RAP1GAP2: variants seen among roughly 807,000 people sequenced by gnomAD.
RAP1GAP2 encodes RAP1 GTPase activating protein 2.
A neutral mutation model predicts 95.0 loss-of-function variants in RAP1GAP2; 27 were observed. That is an observed-to-expected ratio of 0.28 (90% CI 0.21 to 0.39). The LOEUF is 0.39. Ranked by LOEUF, RAP1GAP2 falls within the 10% of genes least tolerant of loss-of-function variation. RAP1GAP2 has a pLI of 1.00. For missense variants in RAP1GAP2, 771 were observed against 970.0 expected (o/e 0.79, Z 2.72); for synonymous variants, 373 against 380.9 (o/e 0.98, Z 0.24).
chr17:2,986,365 C>T (rs1427228756), intron 11 of RAP1GAP2, among the ~76,000 whole-genome samples: 1 of 151,964 alleles, frequency 6.6e-6, no homozygotes, highest in Non-Finnish European at 1.5e-5. Flanking sequence ...TAATAAAACC[C>T]CCTAATTAAA....
intron 2 of RAP1GAP2, among the ~76,000 whole-genome samples, chr17:2,900,889 G>T (rs1307364274): frequency 6.6e-6 from 1 of 152,220 alleles, no homozygotes; most frequent in Non-Finnish European, 1.5e-5. Flanking sequence ...TTGATTCCAA[G>T]TGTAGGGTGC....
At chr17:2,809,003 A>AGC (rs1193900590) in intron 2 of RAP1GAP2, among the ~76,000 whole-genome samples, 1 of 152,034 alleles carries the variant, frequency 6.6e-6, no homozygotes, top group Non-Finnish European at 1.5e-5. Flanking sequence ...AGGGAAGGCG[A>AGC]GCGCTTAGCC....
intron 13 of RAP1GAP2, among the ~76,000 whole-genome samples, chr17:2,996,265 C>T (rs567911217): frequency 5.9e-5 from 9 of 152,304 alleles, no homozygotes; most frequent in African/African-American, 1.9e-4. Flanking sequence ...CCGTGCCCCC[C>T]GTTTGCTGCT....
intron 1 of RAP1GAP2, among the ~76,000 whole-genome samples, chr17:2,791,157 A>G (rs1236949194): frequency 6.6e-6 from 1 of 152,190 alleles, no homozygotes; most frequent in Non-Finnish European, 1.5e-5. Context: ...GTGAGCTGAG[A>G]TAGTGCCACT....
rs1252292517 is a variant in RAP1GAP2 at position 3,004,878 on chromosome 17, G to A, written c.1201-491G>A. 6.6e-6 allele frequency among the ~76,000 whole-genome samples: 1 copy of A among 152,196 alleles called. No individual in the cohort carries two copies. Among genetic ancestry groups the A allele is most frequent in the East Asian group, 1.9e-4 (1 of 5,202 alleles). ...ATTTATGGCCGAGCTGAGGAGTCAG[G>A]CTTGGGAAGAGAACCCCAGAGACGG... On this transcript the variant is annotated intron_variant, in intron 14 of 24. Coordinates refer to ENST00000254695, the MANE Select transcript of RAP1GAP2 (RefSeq NM_015085.5). The surrounding 1 kb of genome is among the most constrained non-coding windows in gnomAD (Gnocchi z 4.1).
chr17:2,795,546 C>T (rs1024416286), upstream of RAP1GAP2, among the ~76,000 whole-genome samples: 1 of 152,244 alleles, frequency 6.6e-6, no homozygotes, highest in Non-Finnish European at 1.5e-5. Flanking sequence ...ACACAGCCAG[C>T]GTGAAGCATG....
chr17:2,758,080 C>G (rs183769466), intron 1 of RAP1GAP2, among the ~76,000 whole-genome samples: 2 of 149,360 alleles, frequency 1.3e-5, no homozygotes, highest in African/African-American at 2.5e-5. Flanking sequence ...CATGTTAGCC[C>G]GGATGGTGTC....
rs1036191733 is a variant in RAP1GAP2 at position 3,003,850 on chromosome 17, G to A, written c.1201-1519G>A. On this transcript the variant is annotated intron_variant, in intron 14 of 24. Coordinates refer to ENST00000254695, the MANE Select transcript of RAP1GAP2 (RefSeq NM_015085.5). This position sits in a 1 kb window ranked among gnomAD's most constrained non-coding sequence, Gnocchi z 4.1. The stretch of plus-strand genomic sequence containing the variant: ...TCAAGAGAGGCGCACAATGAGGATG[G>A]AAGGTGAACGCACGTCGCAAGGAAG... 6.6e-6 allele frequency among the ~76,000 whole-genome samples: 1 copy of A among 152,328 alleles called. No individual in the cohort carries two copies. The highest frequency in any genetic ancestry group is 1.9e-4 in the East Asian group (1 of 5,170).
intron 2 of RAP1GAP2, among the ~76,000 whole-genome samples, chr17:2,826,082 G>T (rs2151531486): frequency 6.7e-6 from 1 of 149,568 alleles, no homozygotes; most frequent in South Asian, 2.1e-4. Flanking sequence ...CCAGGTTCAA[G>T]CGATTCTGCT....
At chr17:2,878,748 T>C (rs549999968) in intron 2 of RAP1GAP2, among the ~76,000 whole-genome samples, 1 of 152,322 alleles carries the variant, frequency 6.6e-6, no homozygotes. Context: ...CCAGTGGGCC[T>C]GTCCGGAAGC....
intron 3 of RAP1GAP2, among the ~76,000 whole-genome samples, chr17:2,955,814 A>T (rs2044085621): frequency 1.3e-5 from 2 of 152,176 alleles, no homozygotes; most frequent in African/African-American, 2.4e-5. Context: ...TAATTTATTG[A>T]CCTATAGTTT....
chr17:2,874,381 G>A (rs1297953518), intron 2 of RAP1GAP2, among the ~76,000 whole-genome samples: 1 of 152,104 alleles, frequency 6.6e-6, no homozygotes, highest in African/African-American at 2.4e-5. Context: ...TAAGGTCTGG[G>A]TCTTTTCCTG....
At chr17:3,026,517 A>G in intron 21 of RAP1GAP2, 53 bp downstream of exon 21, 1 of 1,365,704 alleles carries the variant, frequency 7.3e-7, no homozygotes. Flanking sequence ...TCAGCCAGCC[A>G]CCCTCCTTGC....
chr17:3,036,290 A>C lies in RAP1GAP2; in HGVS notation c.*2929A>C, dbSNP rs2047463851. The C allele has an allele frequency of 6.6e-6, 1 of 152,218 alleles. No homozygotes were observed. Among genetic ancestry groups the C allele is most frequent in the South Asian group, 2.1e-4 (1 of 4,824 alleles). 9.4% of individuals were successfully genotyped at this position (152,218 alleles called of 1,614,324 possible). A position where few individuals can be genotyped will look rare whatever the true frequency, so the allele number is the denominator to read the frequency against. ...AAATCTTAGCCCAGGTGAGGGGAGT[A>C]ACTTGCTTGAGGTCACACAGCTGGC... On this transcript the variant is annotated 3_prime_UTR_variant, in exon 25 of 25. Coordinates refer to ENST00000254695, the MANE Select transcript of RAP1GAP2 (RefSeq NM_015085.5).
intron 3 of RAP1GAP2, among the ~76,000 whole-genome samples, chr17:2,911,613 C>T (rs1265265390): frequency 3.4e-5 from 5 of 145,292 alleles, no homozygotes; most frequent in Admixed American, 1.4e-4. Context: ...CCAGATGGCT[C>T]AGTGTGACAA....
chr17:2,973,993 C>T (rs189181632), intron 8 of RAP1GAP2, among the ~76,000 whole-genome samples: 1 of 151,982 alleles, frequency 6.6e-6, no homozygotes, highest in African/African-American at 2.4e-5. Flanking sequence ...TAGATTTCTC[C>T]CTATCCATGA....
chr17:2,974,521 A>G (rs2045022968), intron 8 of RAP1GAP2, among the ~76,000 whole-genome samples: 1 of 152,184 alleles, frequency 6.6e-6, no homozygotes, highest in South Asian at 2.1e-4. Flanking sequence ...GAAAAACCAG[A>G]AAAGATTTAA....
intron 2 of RAP1GAP2, among the ~76,000 whole-genome samples, chr17:2,881,862 C>T (rs1245209240): frequency 6.6e-6 from 1 of 152,080 alleles, no homozygotes; most frequent in Non-Finnish European, 1.5e-5. Context: ...GCTATGTCGC[C>T]CAAGCTGGAG....
intron 1 of RAP1GAP2, among the ~76,000 whole-genome samples, chr17:2,788,498 A>C (rs887943201): frequency 6.6e-6 from 1 of 152,036 alleles, no homozygotes; most frequent in Non-Finnish European, 1.5e-5. Flanking sequence ...GGGTTTCACC[A>C]TGTTGATCAC....
Sources: allele counts gnomAD v4.1 joint callset (sites outside exome capture counted in the v4.1 genomes callset), GRCh38; gene constraint gnomAD v4.1.1; non-coding constraint Gnocchi (gnomAD v3.1); transcripts MANE v1.5; gene names NCBI Gene and HGNC (gene_info 2026-07-23, HGNC 2026-07-21).